The following USH2A variants were observed in gnomAD, a reference collection of about 807,000 sequenced individuals.
The protein encoded by USH2A is Usher syndrome 2A (autosomal recessive, mild).
In USH2A, 443 loss-of-function variants were observed where a neutral mutation model predicts 538.9. The ratio of observed to expected loss-of-function variants is 0.82; its 90% CI spans 0.76 to 0.89. The LOEUF is 0.89. USH2A is among the 40% of genes least tolerant of loss of function. The pLI, the probability that USH2A is intolerant of heterozygous loss-of-function variation, is 0.00. For missense variants in USH2A, 6,633 were observed against 6,324.8 expected (o/e 1.05, Z -1.65); for synonymous variants, 2,413 against 2,273.5 (o/e 1.06, Z -1.75).
Position 216,089,113 on chromosome 1 carries a change from A to C in USH2A, c.4785T>G (p.Thr1595=), listed in dbSNP as rs2102565338. ...CACTATATTGTTTGCCATGATCATT[A>C]GTTGTAGTTACTTCCACTGGTGACC... is the stretch of plus-strand genomic sequence containing the variant. The part of the protein sequence containing the change: ...PQGSPVEVTT[T]NDHGKQYSDG... Residue 1595 remains threonine, a synonymous_variant, in exon 23 of 72, where the codon ACT becomes ACG. Coordinates refer to ENST00000307340, the MANE Select transcript of USH2A (RefSeq NM_206933.4). 1.2e-6 allele frequency: 2 copies of C among 1,613,240 alleles called. No homozygotes were observed. The highest frequency in any genetic ancestry group is 8.5e-7 in the Non-Finnish European group (1 of 1,179,414).
intron 15 of USH2A, among the ~76,000 whole-genome samples, chr1:216,215,315 A>G (rs901607963): frequency 6.6e-6 from 1 of 152,164 alleles, no homozygotes; most frequent in Non-Finnish European, 1.5e-5. Flanking sequence ...TGTTGGATAC[A>G]GAGACAAATA....
intron 12 of USH2A, among the ~76,000 whole-genome samples, chr1:216,250,536 T>A (rs1325616586): frequency 6.6e-6 from 1 of 152,160 alleles, no homozygotes; most frequent in South Asian, 2.1e-4. Context: ...AAAACTAGCA[T>A]GGAAATGATT....
intron 21 of USH2A, among the ~76,000 whole-genome samples, chr1:216,107,413 G>C (rs749961563): frequency 6.6e-6 from 1 of 151,508 alleles, no homozygotes; most frequent in East Asian, 1.9e-4. Context: ...AGGTAATTTT[G>C]GCTGATATAA....
intron 61 of USH2A, among the ~76,000 whole-genome samples, chr1:215,681,600 G>A (rs1658233574): frequency 6.6e-6 from 1 of 151,988 alleles, no homozygotes; most frequent in Non-Finnish European, 1.5e-5. Flanking sequence ...TATGTGTGGG[G>A]GCATCCAAAT....
At chr1:215,963,371 T>C (rs1667248846) in intron 37 of USH2A, among the ~76,000 whole-genome samples, 1 of 152,000 alleles carries the variant, frequency 6.6e-6, no homozygotes, top group African/African-American at 2.4e-5. Context: ...TGACACGAAT[T>C]TTCCTGGGGC....
chr1:215,771,624 A>AAAAAAAAAAAC (rs1661291268), intron 55 of USH2A, among the ~76,000 whole-genome samples: 1 of 133,880 alleles, frequency 7.5e-6, no homozygotes, highest in Non-Finnish European at 1.6e-5. Context: ...AAAAAAAAAA[A>AAAAAAAAAAAC]TTCAAGTGGG....
intron 60 of USH2A, among the ~76,000 whole-genome samples, 198 bp from the exon 61 acceptor site, chr1:215,728,582 GAC>G (rs1311988583): frequency 6.7e-6 from 1 of 148,484 alleles, no homozygotes; most frequent in South Asian, 2.1e-4. Context: ...AAGTGTAGTT[GAC>G]ACACACACAC....
At chr1:216,393,233 G>T (rs2039141747) in intron 3 of USH2A, among the ~76,000 whole-genome samples, 1 of 152,124 alleles carries the variant, frequency 6.6e-6, no homozygotes, top group Non-Finnish European at 1.5e-5. Flanking sequence ...TATTGTGTCA[G>T]TAAAGAATCT....
intron 71 of USH2A, 38 bp from the exon 72 acceptor site, chr1:215,625,908 C>A (rs1025593677): frequency 6.4e-7 from 1 of 1,555,174 alleles, no homozygotes; most frequent in African/African-American, 1.4e-5. Flanking sequence ...TACATACTTG[C>A]TATCAATAGT....
At chr1:215,836,092 T>A (rs560000397) in intron 47 of USH2A, among the ~76,000 whole-genome samples, 26 of 152,178 alleles carry the variant, frequency 1.7e-4, no homozygotes, top group Non-Finnish European at 3.1e-4. Flanking sequence ...TTATTTTTAG[T>A]TATAAATAAA....
rs1263569171 is a variant in USH2A at position 215,674,140 on chromosome 1, T to C, written c.13771A>G (p.Met4591Val). 2 of 1,614,174 alleles carry C rather than the reference T, an allele frequency of 1.2e-6. No individual in the cohort carries two copies. Among genetic ancestry groups the C allele is most frequent in the South Asian group, 1.1e-5 (1 of 91,084 alleles). Residue 4591 changes from methionine (M) to valine (V), a missense_variant, in exon 63 of 72, where the codon ATG (methionine) becomes GTG (valine). Physicochemically the swap from Met to Val is conservative, Grantham distance 21. Coordinates refer to ENST00000307340, the MANE Select transcript of USH2A (RefSeq NM_206933.4). ...AGCTGGTTTACTATATATGACTGCA[T>C]ACCAAAAGAATTATGAGTTGTGTTT... ...HINTTHNSFG[M>V]QSYIVNQLKP...
Position 216,322,578 on chromosome 1 carries a change from G to A in USH2A, c.1551-602C>T, listed in dbSNP as rs558417685. Among the ~76,000 whole-genome samples the A allele has an allele frequency of 1.0e-4, 15 of 145,470 alleles. No homozygotes were observed. The East Asian group carries it at 2.2e-3, about 21-fold the overall frequency. The stretch of plus-strand genomic sequence containing the variant: ...GCCATGATCATGCCATTGCATGCCA[G>A]CCTGGGTGACAGAGCAAAAGCCTGT... On this transcript the variant is annotated intron_variant, in intron 8 of 71. Coordinates refer to ENST00000307340, the MANE Select transcript of USH2A (RefSeq NM_206933.4).
chr1:215,685,356 T>TG (rs1432323224), intron 61 of USH2A, among the ~76,000 whole-genome samples: 1,012 of 65,962 alleles, frequency 0.015, 18 homozygotes, highest in Middle Eastern at 0.036. Context: ...TTGTTGTTGT[T>TG]TTTTTTTTTG....
chr1:215,792,051 T>C (rs1486672426), intron 50 of USH2A, among the ~76,000 whole-genome samples: 2 of 152,196 alleles, frequency 1.3e-5, no homozygotes, highest in Non-Finnish European at 2.9e-5. Context: ...TTCATGTTTC[T>C]CTTTTAAAGA....
chr1:216,225,826 C>A (rs560902629), intron 14 of USH2A, among the ~76,000 whole-genome samples: 1 of 152,186 alleles, frequency 6.6e-6, no homozygotes, highest in Admixed American at 6.5e-5. Context: ...TAGTTCTGTG[C>A]TGACTATATT....
intron 41 of USH2A, among the ~76,000 whole-genome samples, chr1:215,885,382 T>A (rs1176614552): frequency 2.6e-5 from 4 of 152,208 alleles, no homozygotes; most frequent in Non-Finnish European, 4.4e-5. Context: ...AATTTGGTAA[T>A]CTTTTATTTA....
At chr1:216,228,396 G>A (rs924379853) in intron 14 of USH2A, among the ~76,000 whole-genome samples, 7 of 152,086 alleles carry the variant, frequency 4.6e-5, no homozygotes, top group Non-Finnish European at 8.8e-5. Context: ...GGATTGATAT[G>A]GTTTGGCTGT....
chr1:216,239,303 C>T (rs534967614), intron 13 of USH2A, among the ~76,000 whole-genome samples: 24 of 152,244 alleles, frequency 1.6e-4, no homozygotes, highest in Admixed American at 5.2e-4. Flanking sequence ...TTGAACACAA[C>T]GCTTTTCGTA....
rs569779515 is a variant in USH2A at position 216,015,427 on chromosome 1, A to G, written c.6326-14865T>C. 1.4e-3 allele frequency among the ~76,000 whole-genome samples: 216 copies of G among 152,314 alleles called. 2 individuals are homozygous for G. The highest frequency in any genetic ancestry group is 5.1e-3 in the African/African-American group (211 of 41,574). The stretch of plus-strand genomic sequence containing the variant: ...TTCTGACCTTATAATTAATAAAAAC[A>G]GGGGCTTTATTCAGCCTGAACATCC... On this transcript the variant is annotated intron_variant, in intron 32 of 71. Transcript: ENST00000307340.
Sources: allele counts gnomAD v4.1 joint callset (sites outside exome capture counted in the v4.1 genomes callset), GRCh38; gene constraint gnomAD v4.1.1; transcripts MANE v1.5; gene names NCBI Gene and HGNC (gene_info 2026-07-23, HGNC 2026-07-21).